Variants in ATP2A3 observed in about 807,000 individuals in gnomAD.
The protein encoded by ATP2A3 is ATPase sarcoplasmic/endoplasmic reticulum Ca2+ transporting 3.
Under a neutral mutation model 106.8 loss-of-function variants are expected in ATP2A3, and 61 were observed. The ratio of observed to expected loss-of-function variants is 0.57; its 90% CI spans 0.46 to 0.71. The LOEUF (loss-of-function observed/expected upper bound fraction) is 0.71, where lower values mean the gene tolerates loss of function less well. Ranked by LOEUF, ATP2A3 falls within the 30% of genes least tolerant of loss-of-function variation. The probability of loss-of-function intolerance (pLI) is 0.00; values close to 1 mark genes in which losing one functional copy is unlikely to be tolerated. For synonymous variants in ATP2A3, 611 were observed against 609.3 expected (o/e 1.00, Z -0.04); for missense variants, 1,201 against 1,423.5 (o/e 0.84, Z 2.52).
chr17:3,937,789 A>T (rs1210711674), intron 14 of ATP2A3, among the ~76,000 whole-genome samples, 153 bp from the exon 15 acceptor site: 3 of 152,196 alleles, frequency 2.0e-5, no homozygotes, highest in African/African-American at 7.2e-5. Flanking sequence ...TGAACTAGAA[A>T]TTGGGCAGAG....
Position 3,953,293 on chromosome 17 carries a change from C to T in ATP2A3, c.219+54G>A. Reference sequence around the variant, plus strand: ...GACCTCGGAGCACTGCCCAGCCTGGCTCTCCCTCCAGGGCTACCGACTACC... The same window carrying T: ...GACCTCGGAGCACTGCCCAGCCTGGTTCTCCCTCCAGGGCTACCGACTACC... On this transcript the variant is annotated intron_variant, in intron 3 of 20. Coordinates refer to ENST00000397041, the MANE Select transcript of ATP2A3 (RefSeq NM_005173.4). The surrounding 1 kb of genome is among the most constrained non-coding windows in gnomAD (Gnocchi z 5.1). The T allele has an allele frequency of 6.3e-7, 1 of 1,586,230 alleles. No homozygotes were observed. Among genetic ancestry groups the T allele is most frequent in the Non-Finnish European group, 8.7e-7 (1 of 1,155,276 alleles).
rs775597121 is a variant in ATP2A3, at chr17:3,928,051, G to C, written c.2980+612C>G. The C allele has an allele frequency of 2.2e-5, 35 of 1,613,902 alleles. No homozygotes were observed. Among genetic ancestry groups the C allele is most frequent in the Non-Finnish European group, 2.8e-5 (33 of 1,180,012 alleles). ...TGTGTCCCTGGCCCTTGGAAGTTCA[G>C]AATCACCCACTCTCAGAGCCCACCT... On this transcript the variant is annotated intron_variant, in intron 20 of 20. Coordinates refer to ENST00000397041, the MANE Select transcript of ATP2A3 (RefSeq NM_005173.4). This position sits in a 1 kb window ranked among gnomAD's most constrained non-coding sequence, Gnocchi z 6.1.
At chr17:3,950,800 G>A (rs1298496671) in intron 5 of ATP2A3, 27 bp from the exon 6 acceptor site, 2 of 1,607,756 alleles carry the variant, frequency 1.2e-6, no homozygotes, top group Non-Finnish European at 8.5e-7. Flanking sequence ...GCTTGGCTGA[G>A]GGTGGCTTTG....
chr17:3,941,320 G>A lies in ATP2A3; in HGVS notation c.1765-14C>T, dbSNP rs751691310. 8.1e-6 allele frequency: 13 copies of A among 1,613,392 alleles called. No individual in the cohort carries two copies. The highest frequency in any genetic ancestry group is 2.2e-5 in the South Asian group (2 of 91,058). Reference sequence around the variant, plus strand: ...GGTCAGGTCCGTCTGTAGGGAGGGGGCAGATTCAAGCGGGGCCTGAGCCCA... The same window carrying A: ...GGTCAGGTCCGTCTGTAGGGAGGGGACAGATTCAAGCGGGGCCTGAGCCCA... On this transcript the variant is annotated splice_polypyrimidine_tract_variant and intron_variant, in intron 13 of 20. Coordinates refer to ENST00000397041, the MANE Select transcript of ATP2A3 (RefSeq NM_005173.4).
At chr17:3,954,361 C>T (rs189306752) in intron 1 of ATP2A3, among the ~76,000 whole-genome samples, 8 of 151,988 alleles carry the variant, frequency 5.3e-5, no homozygotes, top group African/African-American at 1.9e-4. Flanking sequence ...TGGTGCAGTC[C>T]CCCCCAGGCC....
At chr17:3,950,625 C>T (rs1358288914) in intron 6 of ATP2A3, 29 bp from the exon 7 acceptor site, 5 of 1,613,766 alleles carry the variant, frequency 3.1e-6, no homozygotes. Context: ...ATGAGAAGCC[C>T]CACATGAAGA....
rs756636965 is a variant in ATP2A3 at position 3,941,098 on chromosome 17, A to C, written c.1973T>G (p.Phe658Cys). Residue 658 changes from phenylalanine to cysteine, a missense_variant, in exon 14 of 21, where the codon TTT becomes TGT. Phe to Cys is a radical substitution (Grantham distance 205). Around this residue, in one of 2 missense-constraint regions of ATP2A3, gnomAD observed 935 missense variants for 1,176.7 expected, o/e 0.79. Coordinates refer to ENST00000397041, the MANE Select transcript of ATP2A3 (RefSeq NM_005173.4). ...VAGKAYTGRE[F>C]DDLSPEQQRQ... ...CTGCTGCTCGGGGCTGAGGTCATCA[A>C]ACTCGCGGCCCGTGTAGGCCTTGCC... is the stretch of plus-strand genomic sequence containing the variant. 1 of 1,613,938 alleles carries C rather than the reference A, an allele frequency of 6.2e-7. No homozygotes were observed. Among genetic ancestry groups the C allele is most frequent in the Non-Finnish European group, 8.5e-7 (1 of 1,179,924 alleles).
rs147673651 is a variant in ATP2A3 at position 3,935,295 on chromosome 17, G to A, written c.2525-18C>T. 239 of 1,610,520 alleles carry A rather than the reference G, an allele frequency of 1.5e-4. No homozygotes were observed. The East Asian group carries it at 5.2e-3, about 35-fold the overall frequency. ...TACGTACACTGCGGGGAAGGGAGGA[G>A]ACCGGCTGTAGAGAATGGCGGTGGT... is the stretch of plus-strand genomic sequence containing the variant. On this transcript the variant is annotated intron_variant, in intron 16 of 20. Transcript: ENST00000397041.
At chr17:3,944,913 C>A (rs1412491949) in intron 9 of ATP2A3, 107 bp from the exon 10 acceptor site, 1 of 1,249,416 alleles carries the variant, frequency 8.0e-7, no homozygotes, top group African/African-American at 1.9e-5. Context: ...GCCCCGCCCC[C>A]AGAAGGGCTC....
intron 17 of ATP2A3, among the ~76,000 whole-genome samples, chr17:3,932,677 T>A (rs1039079990): frequency 2.0e-5 from 3 of 152,172 alleles, no homozygotes; most frequent in African/African-American, 4.8e-5. Context: ...TGGGCTCAAG[T>A]GATCTGCCCG....
At chr17:3,954,142 C>T (rs1464033530) in intron 1 of ATP2A3, among the ~76,000 whole-genome samples, 1 of 152,144 alleles carries the variant, frequency 6.6e-6, no homozygotes, top group East Asian at 1.9e-4. Context: ...TGTTGAGTCT[C>T]TGCCACCCCC....
At position 3,955,901 on chromosome 17, in the gene ATP2A3, A is replaced by G. The variant is rs2144713399; in HGVS notation, c.119-2191T>C. Among the ~76,000 whole-genome samples the G allele has an allele frequency of 7.1e-6, 1 of 141,202 alleles. No homozygotes were observed. The highest frequency in any genetic ancestry group is 2.2e-4 in the South Asian group (1 of 4,520). 92.6% of individuals were successfully genotyped at this position (141,202 alleles called of 152,430 possible). On this transcript the variant is annotated intron_variant, in intron 1 of 20. Transcript: ENST00000397041. This position sits in a 1 kb window ranked among gnomAD's most constrained non-coding sequence, Gnocchi z 4.2. ...TATTTTATTTTATTTTTTTTTTTTGAGATGGAGTCTTGCTCTCTCGCCCAG... is the reference window on the plus strand; with the variant it reads ...TATTTTATTTTATTTTTTTTTTTTGGGATGGAGTCTTGCTCTCTCGCCCAG...
Position 3,930,737 on chromosome 17 carries a change from G to C in ATP2A3, c.2611-303C>G. On this transcript the variant is annotated intron_variant, in intron 17 of 20. Coordinates refer to ENST00000397041, the MANE Select transcript of ATP2A3 (RefSeq NM_005173.4). The surrounding 1 kb of genome is among the most constrained non-coding windows in gnomAD (Gnocchi z 5.4). ...GCCTGGGGAGGCTAGCGGGAGCCTG[G>C]AGATCACTGAATAGGGAAATGCATG... is the stretch of plus-strand genomic sequence containing the variant. 2 of 499,896 alleles carry C rather than the reference G, an allele frequency of 4.0e-6. No individual in the cohort carries two copies. The highest frequency in any genetic ancestry group is 4.0e-5 in the South Asian group (2 of 49,676). 31.0% of individuals were successfully genotyped at this position (499,896 alleles called of 1,614,324 possible).
chr17:3,935,350 A>C, intron 16 of ATP2A3, 73 bp from the exon 17 acceptor site: 1 of 1,384,784 alleles, frequency 7.2e-7, no homozygotes. Flanking sequence ...CTGCCTAATA[A>C]TTCCCTGAAT....
chr17:3,959,857 C>T (rs920269975), intron 1 of ATP2A3, among the ~76,000 whole-genome samples: 42 of 152,356 alleles, frequency 2.8e-4, no homozygotes, highest in African/African-American at 8.9e-4. Context: ...CTGGCTTATC[C>T]GGAGCTGGAG....
intron 14 of ATP2A3, among the ~76,000 whole-genome samples, chr17:3,940,299 T>C (rs1392444658): frequency 2.0e-5 from 3 of 152,026 alleles, no homozygotes; most frequent in African/African-American, 4.8e-5. Context: ...ACAAACAACA[T>C]TGCTCTCTGG....
At position 3,951,451 on chromosome 17, in the gene ATP2A3, G is replaced by C. The variant is rs1406847950; in HGVS notation, c.325-62C>G. Reference sequence around the variant, plus strand: ...CTGCCCCCCGCAGACCACCCCCTTGGAGTGACTCCTCTGGGGCCTGGGATG... The same window carrying C: ...CTGCCCCCCGCAGACCACCCCCTTGCAGTGACTCCTCTGGGGCCTGGGATG... On this transcript the variant is annotated intron_variant, in intron 4 of 20. Coordinates refer to ENST00000397041, the MANE Select transcript of ATP2A3 (RefSeq NM_005173.4). The C allele has an allele frequency of 3.1e-6, 5 of 1,611,402 alleles. No individual in the cohort carries two copies. The East Asian group carries it at 1.1e-4, about 36-fold the overall frequency.
intron 1 of ATP2A3, among the ~76,000 whole-genome samples, chr17:3,956,305 C>A (rs1460174131): frequency 4.6e-5 from 7 of 152,172 alleles, no homozygotes; most frequent in Non-Finnish European, 7.3e-5. Context: ...GGTTCTCCCC[C>A]ACCTTGTGGG....
At position 3,936,720 on chromosome 17, in the gene ATP2A3, GTA is replaced by G. The variant is rs1491477712; in HGVS notation, c.2322-253_2322-252del. 90 of 450,352 alleles carry G rather than the reference GTA, an allele frequency of 2.0e-4. No individual in the cohort carries two copies. The highest frequency in any genetic ancestry group is 1.2e-3 in the South Asian group (56 of 48,048). The allele number at this position is 450,352 out of a possible 1,614,324, so 27.9% of individuals were successfully genotyped here. Reference sequence around the variant, plus strand: ...GCTCTTTAGGCCTAGCAGAGGCCAAGTACACACACACACACACACACACACAC... The same window carrying G: ...GCTCTTTAGGCCTAGCAGAGGCCAAGCACACACACACACACACACACACAC... On this transcript the variant is annotated intron_variant, in intron 15 of 20. Transcript: ENST00000397041. The surrounding 1 kb of genome is among the most constrained non-coding windows in gnomAD (Gnocchi z 5.4).
Sources: gnomAD v4.1 joint callset for allele counts (sites outside exome capture counted in the v4.1 genomes callset) on GRCh38, gnomAD v4.1.1 for gene constraint, gnomAD v4.1.1 regional missense constraint, Gnocchi (gnomAD v3.1) non-coding constraint, MANE v1.5 for transcripts, NCBI Gene and HGNC (gene_info 2026-07-23, HGNC 2026-07-21) for gene names.